Variants in PDE4B observed in about 807,000 individuals in gnomAD.
The protein encoded by PDE4B is phosphodiesterase 4B.
PDE4B carries 20 observed loss-of-function variants against 82.2 expected under a neutral mutation model. The observed-to-expected ratio is 0.24, with a 90% CI of 0.17 to 0.35. The LOEUF (loss-of-function observed/expected upper bound fraction) is 0.35. Ranked by LOEUF, PDE4B falls within the 10% of genes least tolerant of loss-of-function variation. The probability of loss-of-function intolerance (pLI) is 1.00; values close to 1 mark genes in which losing one functional copy is unlikely to be tolerated. For missense variants in PDE4B, 655 were observed against 907.2 expected (o/e 0.72, Z 3.57); for synonymous variants, 320 against 318.9 (o/e 1.00, Z -0.04).
At chr1:65,983,875 G>A (rs1271719521) in intron 3 of PDE4B, among the ~76,000 whole-genome samples, 2 of 152,174 alleles carry the variant, frequency 1.3e-5, no homozygotes, top group South Asian at 2.1e-4. Context: ...AATTTATATT[G>A]TATAAGGATA....
chr1:66,320,393 A>G (rs565642440), intron 7 of PDE4B, among the ~76,000 whole-genome samples: 1 of 152,326 alleles, frequency 6.6e-6, no homozygotes, highest in East Asian at 1.9e-4. Flanking sequence ...TGTTTCCCAT[A>G]TAAAAACTAG....
chr1:65,935,196 G>A (rs1016127314), intron 3 of PDE4B, among the ~76,000 whole-genome samples: 11 of 152,200 alleles, frequency 7.2e-5, no homozygotes, highest in Middle Eastern at 6.8e-3. Flanking sequence ...CTAGAAATCA[G>A]TAGCAGAAGG....
chr1:66,248,516 A>G (rs1653499975), intron 4 of PDE4B, among the ~76,000 whole-genome samples: 1 of 152,198 alleles, frequency 6.6e-6, no homozygotes, highest in African/African-American at 2.4e-5. Context: ...CAGCAAAAAA[A>G]TATTCCTTGA....
intron 3 of PDE4B, among the ~76,000 whole-genome samples, chr1:66,123,613 T>C (rs891964762): frequency 7.9e-5 from 12 of 151,806 alleles, no homozygotes; most frequent in South Asian, 4.2e-4. Flanking sequence ...AATGTTATTC[T>C]GCTTCTGTTA....
chr1:66,300,228 C>A (rs1657790283), intron 7 of PDE4B, among the ~76,000 whole-genome samples: 3 of 152,142 alleles, frequency 2.0e-5, no homozygotes, highest in African/African-American at 7.2e-5. Context: ...TTTAGTTCCC[C>A]TTTAAGACTT....
intron 3 of PDE4B, among the ~76,000 whole-genome samples, chr1:65,930,157 G>GGA (rs1647751366): frequency 6.6e-6 from 1 of 152,108 alleles, no homozygotes. Context: ...ATATAGGCTG[G>GGA]GAGACTAGGC....
chr1:66,222,753 T>G (rs1302982329), intron 3 of PDE4B, among the ~76,000 whole-genome samples: 1 of 152,210 alleles, frequency 6.6e-6, no homozygotes, highest in Non-Finnish European at 1.5e-5. Flanking sequence ...TGTAAAAATA[T>G]GCTCCCAGTT....
intron 1 of PDE4B, among the ~76,000 whole-genome samples, chr1:65,903,800 C>T (rs1269651595): frequency 6.6e-6 from 1 of 152,110 alleles, no homozygotes; most frequent in African/African-American, 2.4e-5. Flanking sequence ...TCCACATAGA[C>T]CTGAATCCCC....
intron 3 of PDE4B, among the ~76,000 whole-genome samples, chr1:66,027,510 C>T (rs1299072776): frequency 6.6e-6 from 1 of 152,176 alleles, no homozygotes; most frequent in African/African-American, 2.4e-5. Context: ...CAAAACCAAA[C>T]ATGCCTTCCC....
In PDE4B at chr1:66,183,260, G is replaced by A. The variant is rs968481800; in HGVS notation, c.282-64200G>A. On this transcript the variant is annotated intron_variant, in intron 3 of 16. Transcript: ENST00000341517. ...AAGATTTTTTTGTTTCCTTGTTTGG[G>A]GATATGTCTTTTTTATCAGCTTAAT... Among the ~76,000 whole-genome samples, 3 of 151,960 alleles carry A rather than the reference G, an allele frequency of 2.0e-5. No homozygotes were observed. The East Asian group carries it at 5.8e-4, about 29-fold the overall frequency.
chr1:66,189,643 C>T (rs1242143857), intron 3 of PDE4B, among the ~76,000 whole-genome samples: 16 of 152,198 alleles, frequency 1.1e-4, no homozygotes, highest in Admixed American at 1.0e-3. Flanking sequence ...GAGGCTTGTG[C>T]ATTCGTCACG....
At chr1:66,200,678 AT>A (rs1361764804) in intron 3 of PDE4B, among the ~76,000 whole-genome samples, 7 of 152,102 alleles carry the variant, frequency 4.6e-5, no homozygotes, top group African/African-American at 1.7e-4. Context: ...AATGCTTGTG[AT>A]TTTTGTACAC....
intron 7 of PDE4B, among the ~76,000 whole-genome samples, chr1:66,269,829 A>G (rs1655333411): frequency 6.6e-6 from 1 of 152,232 alleles, no homozygotes; most frequent in South Asian, 2.1e-4. Context: ...TTGGAGAAGC[A>G]TCCTTTTAAT....
intron 10 of PDE4B, among the ~76,000 whole-genome samples, chr1:66,362,106 T>G (rs920628775): frequency 4.6e-5 from 7 of 152,198 alleles, no homozygotes; most frequent in African/African-American, 1.7e-4. Context: ...CACTTTTTTT[T>G]GTTTTGTCCT....
chr1:65,997,632 A>G (rs934278663), intron 3 of PDE4B, among the ~76,000 whole-genome samples: 6 of 152,176 alleles, frequency 3.9e-5, no homozygotes, highest in Non-Finnish European at 8.8e-5. Flanking sequence ...GTAATATTGG[A>G]AATTTTTTGA....
At chr1:66,311,959 C>T (rs780627497) in intron 7 of PDE4B, among the ~76,000 whole-genome samples, 24 of 152,164 alleles carry the variant, frequency 1.6e-4, no homozygotes, top group African/African-American at 5.1e-4. Context: ...TCCTTCCTTA[C>T]GTATAAATCC....
At chr1:66,187,156 A>G (rs892751619) in intron 3 of PDE4B, among the ~76,000 whole-genome samples, 26 of 152,210 alleles carry the variant, frequency 1.7e-4, no homozygotes, top group African/African-American at 4.8e-4. Flanking sequence ...CATATGTTGA[A>G]CCAGCCTTGC....
At chr1:65,877,237 A>G (rs959294064) in intron 1 of PDE4B, among the ~76,000 whole-genome samples, 5 of 152,210 alleles carry the variant, frequency 3.3e-5, no homozygotes, top group Non-Finnish European at 7.3e-5. Flanking sequence ...GAGGACTCAG[A>G]AATAACACCA....
rs1662525480 is a variant in PDE4B, at chr1:66,358,898, CT to C, written c.842-2713del. ...TAGGTGAAACTTGTGTCATTCCTATCTTTTAAAAAAAAGTGGTGCAGGAGGA... is the reference window on the plus strand; with the variant it reads ...TAGGTGAAACTTGTGTCATTCCTATCTTTAAAAAAAAGTGGTGCAGGAGGA... On this transcript the variant is annotated intron_variant, in intron 9 of 16. Transcript: ENST00000341517. Among the ~76,000 whole-genome samples the C allele has an allele frequency of 2.6e-5, 4 of 152,016 alleles. No homozygotes were observed. In the South Asian group the frequency reaches 8.3e-4, roughly 31 times the overall value.
Sources: gnomAD v4.1 joint callset for allele counts (sites outside exome capture counted in the v4.1 genomes callset) on GRCh38, gnomAD v4.1.1 for gene constraint, MANE v1.5 for transcripts, NCBI Gene and HGNC (gene_info 2026-07-23, HGNC 2026-07-21) for gene names.